KHDRBS2: variants seen among roughly 807,000 people sequenced by gnomAD.
KHDRBS2 encodes the protein KH domain-containing, RNA-binding, signal transduction-associated protein 2.
In KHDRBS2, 26 loss-of-function variants were observed where a neutral mutation model predicts 44.3. The ratio of observed to expected loss-of-function variants is 0.59; its 90% confidence interval spans 0.43 to 0.81. The LOEUF (loss-of-function observed/expected upper bound fraction) is 0.81. Ranked by LOEUF, KHDRBS2 falls within the 40% of genes least tolerant of loss-of-function variation. The probability of loss-of-function intolerance (pLI) is 0.00; values close to 1 mark genes in which losing one functional copy is unlikely to be tolerated. For synonymous variants in KHDRBS2, 194 were observed against 151.1 expected, an observed-to-expected ratio of 1.28 and a Z score of -2.08; for missense variants, 476 against 433.1, an observed-to-expected ratio of 1.10 and a Z score of -0.88.
intron 5 of KHDRBS2, 35 bp from the exon 6 acceptor site, chr6:61,894,868 G>T: frequency 6.7e-7 from 1 of 1,493,108 alleles, no homozygotes; most frequent in Non-Finnish European, 9.2e-7. Flanking sequence ...ATGAGAAACA[G>T]GTGATGAGAG....
chr6:62,264,375 A>T (rs948792883), intron 1 of KHDRBS2, among the ~76,000 whole-genome samples: 1 of 151,858 alleles, frequency 6.6e-6, no homozygotes, highest in African/African-American at 2.4e-5. Flanking sequence ...TCTAAGACCA[A>T]AATGAATATA....
chr6:62,023,955 G>T (rs1274619660), intron 3 of KHDRBS2, among the ~76,000 whole-genome samples: 1 of 150,886 alleles, frequency 6.6e-6, no homozygotes. Context: ...GTAGTTATTT[G>T]CATCATCATG....
chr6:61,740,845 T>C (rs1470028725), intron 6 of KHDRBS2, among the ~76,000 whole-genome samples: 2 of 151,916 alleles, frequency 1.3e-5, no homozygotes, highest in African/African-American at 4.8e-5. Context: ...CACCTGGATA[T>C]ATGAGTTTGA....
the KHDRBS2 span, among the ~76,000 whole-genome samples, chr6:61,594,607 A>G: frequency 1.3e-5 from 2 of 152,160 alleles, no homozygotes; most frequent in African/African-American, 2.4e-5. Flanking sequence ...CTACAATTTA[A>G]TATATCAGAT....
chr6:61,549,690 G>C, the KHDRBS2 span, among the ~76,000 whole-genome samples: 1 of 152,060 alleles, frequency 6.6e-6, no homozygotes, highest in Admixed American at 6.6e-5. Context: ...TCAGACGATT[G>C]TGAATATTTT....
At chr6:61,796,719 CACTTAAAATGTATG>C (rs1161911464) in intron 6 of KHDRBS2, among the ~76,000 whole-genome samples, 1 of 152,092 alleles carries the variant, frequency 6.6e-6, no homozygotes, top group Non-Finnish European at 1.5e-5. Context: ...ACACCCTTTA[CACTTAAAATGTATG>C]ACTATTTCTG....
intron 6 of KHDRBS2, among the ~76,000 whole-genome samples, chr6:61,764,141 T>C (rs533119780): frequency 1.3e-5 from 2 of 152,292 alleles, no homozygotes; most frequent in South Asian, 2.1e-4. Flanking sequence ...GCTCCATCCA[T>C]GTCCCTGCAA....
chr6:61,761,248 G>A (rs970224723), intron 6 of KHDRBS2, among the ~76,000 whole-genome samples: 1 of 152,098 alleles, frequency 6.6e-6, no homozygotes, highest in Non-Finnish European at 1.5e-5. Flanking sequence ...ATACAGTCTG[G>A]CCTCTTTTGG....
At chr6:62,044,020 G>T (rs1787126395) in intron 3 of KHDRBS2, among the ~76,000 whole-genome samples, 1 of 151,866 alleles carries the variant, frequency 6.6e-6, no homozygotes, top group African/African-American at 2.4e-5. Flanking sequence ...TTTTTATATA[G>T]CATAATATTG....
intron 2 of KHDRBS2, among the ~76,000 whole-genome samples, chr6:62,122,781 G>A (rs1188735319): frequency 2.4e-5 from 3 of 127,088 alleles, no homozygotes; most frequent in Admixed American, 2.2e-4. Context: ...GTGAGTGGAG[G>A]CCAGTTTTAA....
intron 6 of KHDRBS2, among the ~76,000 whole-genome samples, chr6:61,858,016 C>T (rs996807784): frequency 6.6e-6 from 1 of 151,712 alleles, no homozygotes; most frequent in African/African-American, 2.4e-5. Flanking sequence ...TGTTATAGGT[C>T]AAGTAACATG....
intron 2 of KHDRBS2, among the ~76,000 whole-genome samples, chr6:62,070,144 C>T (rs772130784): frequency 6.6e-6 from 1 of 151,610 alleles, no homozygotes; most frequent in Non-Finnish European, 1.5e-5. Flanking sequence ...ATTTGCATCC[C>T]TGAGAGGTCC....
chr6:62,121,674 C>A (rs527688539), intron 2 of KHDRBS2, among the ~76,000 whole-genome samples: 1 of 152,288 alleles, frequency 6.6e-6, no homozygotes, highest in East Asian at 1.9e-4. Context: ...CGGCTTTGTG[C>A]CAGAATCTTG....
At chr6:62,104,837 T>C (rs1410601470) in intron 2 of KHDRBS2, among the ~76,000 whole-genome samples, 1 of 151,832 alleles carries the variant, frequency 6.6e-6, no homozygotes, top group Non-Finnish European at 1.5e-5. Flanking sequence ...AATAATAGAG[T>C]AAAATTAACA....
the KHDRBS2 span, among the ~76,000 whole-genome samples, chr6:61,550,240 C>A: frequency 3.3e-5 from 5 of 152,082 alleles, no homozygotes; most frequent in African/African-American, 1.2e-4. Context: ...TTTTTCCCTT[C>A]TTTGATTCTA....
intron 6 of KHDRBS2, among the ~76,000 whole-genome samples, chr6:61,830,196 G>T (rs1791572670): frequency 6.6e-6 from 1 of 152,152 alleles, no homozygotes; most frequent in Admixed American, 6.6e-5. Context: ...ATATTGATAT[G>T]GGTAGAGCTT....
At chr6:62,023,715 T>C (rs140042925) in intron 3 of KHDRBS2, among the ~76,000 whole-genome samples, 106 of 151,548 alleles carry the variant, frequency 7.0e-4, no homozygotes, top group African/African-American at 2.0e-3. Flanking sequence ...TGCATCATCA[T>C]GTGAACTAAA....
At chr6:62,116,085 C>T (rs534372044) in intron 2 of KHDRBS2, among the ~76,000 whole-genome samples, 14 of 152,004 alleles carry the variant, frequency 9.2e-5, no homozygotes, top group Non-Finnish European at 1.2e-4. Flanking sequence ...AAAATAAGCA[C>T]TGTGCTTATA....
intron 4 of KHDRBS2, among the ~76,000 whole-genome samples, chr6:61,933,253 G>A (rs1373692517): frequency 6.6e-6 from 1 of 152,158 alleles, no homozygotes. Context: ...CAGGAGAACA[G>A]TCAGGGGGAA....
Sources: allele counts gnomAD v4.1 joint callset (sites outside exome capture counted in the v4.1 genomes callset), GRCh38; gene constraint gnomAD v4.1.1; transcripts MANE v1.5; gene names NCBI Gene and HGNC (gene_info 2026-07-23, HGNC 2026-07-21).